Variants in CACNA1D observed in about 807,000 individuals in gnomAD.
CACNA1D encodes voltage-dependent L-type calcium channel subunit alpha-1D.
In CACNA1D, 55 loss-of-function variants were observed where a neutral mutation model predicts 257.1. The ratio of observed to expected loss-of-function variants is 0.21; its 90% confidence interval spans 0.17 to 0.27. The LOEUF (loss-of-function observed/expected upper bound fraction) is 0.27. CACNA1D is among the 10% of genes least tolerant of loss of function. The pLI is 1.00. For synonymous variants in CACNA1D, 980 were observed against 1,014.9 expected (o/e 0.97, Z 0.65); for missense variants, 1,876 against 2,784.0 (o/e 0.67, Z 7.34).
intron 3 of CACNA1D, among the ~76,000 whole-genome samples, chr3:53,569,719 A>C (rs745902990): frequency 3.5e-4 from 53 of 152,226 alleles, no homozygotes; most frequent in Non-Finnish European, 7.2e-4. Context: ...GCAGTATTAA[A>C]TGTATTCTTT....
chr3:53,595,291 C>T (rs74844695), intron 3 of CACNA1D, among the ~76,000 whole-genome samples: 31 of 152,262 alleles, frequency 2.0e-4, no homozygotes, highest in African/African-American at 6.5e-4. Context: ...GATGCAGTCA[C>T]GGGAGGACCA....
At chr3:53,742,899 T>C in intron 21 of CACNA1D, 112 bp from the exon 22 acceptor site, 1 of 780,656 alleles carries the variant, frequency 1.3e-6, no homozygotes, top group Non-Finnish European at 2.3e-6. Flanking sequence ...TTCTGACTTC[T>C]TAATGCACAC....
intron 8 of CACNA1D, among the ~76,000 whole-genome samples, chr3:53,698,274 T>C (rs1168375656): frequency 6.6e-6 from 1 of 152,226 alleles, no homozygotes; most frequent in East Asian, 1.9e-4. Context: ...GCGAGAACTC[T>C]GGCTCCCAGC....
At chr3:53,748,277 G>A (rs568347448) in intron 26 of CACNA1D, among the ~76,000 whole-genome samples, 1 of 152,332 alleles carries the variant, frequency 6.6e-6, no homozygotes, top group African/African-American at 2.4e-5. Flanking sequence ...CTAGAGTCCT[G>A]GATACCCGGT....
At chr3:53,604,646 C>T (rs2093485162) in intron 3 of CACNA1D, among the ~76,000 whole-genome samples, 2 of 152,112 alleles carry the variant, frequency 1.3e-5, no homozygotes, top group South Asian at 4.1e-4. Flanking sequence ...TACAGACCTG[C>T]TGTGGAGTTG....
chr3:53,689,962 AT>A (rs1161880972), intron 8 of CACNA1D, among the ~76,000 whole-genome samples: 2 of 151,824 alleles, frequency 1.3e-5, no homozygotes, highest in East Asian at 1.9e-4. Flanking sequence ...ACCCGGCTAG[AT>A]TTTTTTTTAA....
chr3:53,704,747 C>T (rs1380605), intron 9 of CACNA1D, among the ~76,000 whole-genome samples: 84,502 of 152,064 alleles, frequency 0.56, 23,659 homozygotes, highest in East Asian at 0.73. Context: ...TATTTGTAAA[C>T]GAGAGGAGGT....
In CACNA1D at chr3:53,776,900, C is replaced by T. The variant is rs759583357; in HGVS notation, c.4531C>T (p.Arg1511Cys). 3.4e-5 allele frequency: 55 copies of T among 1,614,024 alleles called. No homozygotes were observed. The highest frequency in any genetic ancestry group is 1.8e-4 in the Admixed American group (11 of 60,010). The part of the protein sequence containing the change: ...KHLDVVTLLR[R>C]IQPPLGFGKL... ...CCTTGATGTGGTCACTCTGCTTCGA[C>T]GCATCCAGCCTCCCCTGGGGTTTGG... Residue 1511 changes from arginine to cysteine, a missense_variant, in exon 37 of 48, where the codon CGC becomes TGC. Arg to Cys is a radical substitution (Grantham distance 180). Transcript: ENST00000350061.
chr3:53,801,268 C>A lies in CACNA1D; in HGVS notation c.5251C>A (p.Pro1751Thr). The A allele has an allele frequency of 1.9e-6, 3 of 1,614,092 alleles. No homozygotes were observed. The highest frequency in any genetic ancestry group is 2.5e-6 in the Non-Finnish European group (3 of 1,179,972). Residue 1751 changes from proline (P) to threonine (T), a missense_variant, in exon 42 of 48, where the codon CCC (proline) becomes ACC (threonine). This residue lies in a region of CACNA1D where 491 missense variants were observed against 554.3 expected (regional missense o/e 0.89). Coordinates refer to ENST00000350061, the MANE Select transcript of CACNA1D (RefSeq NM_001128840.3). ...HNHNSIGKQV[P>T]TSTNANLNNA... Reference sequence around the variant, plus strand: ...CCATAATTCCATAGGAAAGCAAGTTCCCACCTCAACAAATGCCAATCTCAA... The same window carrying A: ...CCATAATTCCATAGGAAAGCAAGTTACCACCTCAACAAATGCCAATCTCAA...
rs759752832 is a variant in CACNA1D, at chr3:53,808,715, C to T, written c.5816C>T (p.Ser1939Leu). The change falls in exon 46 of 48, where the codon TCG becomes TTG. Residue 1939 changes from serine to leucine, a missense_variant. Physicochemically the swap from Ser to Leu is moderately radical, Grantham distance 145. Transcript: ENST00000350061. ...RRQSSQEEVP[S>L]SPIFPHRTAL... ...CAGAGCAGCCAGGAAGAGGTCCCGT[C>T]GTCTCCCATCTTCCCCCATCGCACG... The T allele has an allele frequency of 3.1e-6, 5 of 1,609,092 alleles. No homozygotes were observed. The highest frequency in any genetic ancestry group is 4.5e-5 in the East Asian group (2 of 44,888).
At chr3:53,787,425 C>CTGTGTGTGTGTG (rs3217446) in intron 40 of CACNA1D, among the ~76,000 whole-genome samples, 30,547 of 135,230 alleles carry the variant, frequency 0.23, 3,632 homozygotes, top group Admixed American at 0.27. Context: ...AGTATGTATT[C>CTGTGTGTGTGTG]TGTGTGTGTG....
intron 5 of CACNA1D, among the ~76,000 whole-genome samples, chr3:53,663,355 A>G (rs1377535622): frequency 1.4e-5 from 2 of 142,458 alleles, no homozygotes; most frequent in Non-Finnish European, 2.9e-5. Context: ...GACAACAGGG[A>G]AGGACAGGGA....
At chr3:53,527,252 T>G (rs1385856777) in intron 3 of CACNA1D, among the ~76,000 whole-genome samples, 1 of 143,142 alleles carries the variant, frequency 7.0e-6, no homozygotes, top group East Asian at 2.0e-4. Context: ...CAGAATCTTC[T>G]CAGATATCCC....
intron 3 of CACNA1D, among the ~76,000 whole-genome samples, chr3:53,502,609 T>G (rs1016501571): frequency 6.6e-6 from 1 of 152,012 alleles, no homozygotes; most frequent in Admixed American, 6.5e-5. Flanking sequence ...CTTGTCCCAC[T>G]CACCTGTCAA....
intron 39 of CACNA1D, among the ~76,000 whole-genome samples, chr3:53,783,731 T>A (rs1017551860): frequency 6.6e-6 from 1 of 152,204 alleles, no homozygotes; most frequent in African/African-American, 2.4e-5. Flanking sequence ...GTTCTCCACA[T>A]TCATCATTTG....
At chr3:53,537,328 A>T (rs1323614713) in intron 3 of CACNA1D, among the ~76,000 whole-genome samples, 1 of 152,202 alleles carries the variant, frequency 6.6e-6, no homozygotes, top group Non-Finnish European at 1.5e-5. Context: ...AACCCTGTGT[A>T]CCCATCATTC....
chr3:53,591,441 A>G (rs771232461), intron 3 of CACNA1D, among the ~76,000 whole-genome samples: 1 of 152,000 alleles, frequency 6.6e-6, no homozygotes, highest in East Asian at 1.9e-4. Flanking sequence ...TTTAGTAGAG[A>G]CGGAGTTTTG....
rs369891431 is a variant in CACNA1D at position 53,527,585 on chromosome 3, GGAAAAGGTAAA to G, written c.483+25868_483+25878del. On this transcript the variant is annotated intron_variant, in intron 3 of 47. Transcript: ENST00000350061. ...AGCTGAGGTTTAAGTCGTTGATCTT[GGAAAAGGTAAA>G]GACTTCTCAGGGAGGTTGGGCTGCT... 3.7e-3 allele frequency among the ~76,000 whole-genome samples: 568 copies of G among 152,300 alleles called. 5 individuals carry two copies. The highest frequency in any genetic ancestry group is 0.013 in the African/African-American group (550 of 41,574).
intron 17 of CACNA1D, 99 bp downstream of exon 17, chr3:53,731,245 T>C (rs1296842839): frequency 1.2e-6 from 1 of 829,532 alleles, no homozygotes; most frequent in African/African-American, 1.7e-5. Context: ...TTGTGTATCA[T>C]TCTTGTAATA....
Sources: gnomAD v4.1 joint callset for allele counts (sites outside exome capture counted in the v4.1 genomes callset) on GRCh38, gnomAD v4.1.1 for gene constraint, gnomAD v4.1.1 regional missense constraint, MANE v1.5 for transcripts, NCBI Gene and HGNC (gene_info 2026-07-23, HGNC 2026-07-21) for gene names.